Variants in PABPC4L observed in about 807,000 individuals in gnomAD.
The protein encoded by PABPC4L is polyadenylate-binding protein 4-like.
For missense variants in PABPC4L, 452 were observed against 451.4 expected (o/e 1.00, Z -0.01); for synonymous variants, 169 against 164.1 (o/e 1.03, Z -0.23).
At chr4:134,000,102 G>T in the PABPC4L span, among the ~76,000 whole-genome samples, 1 of 152,034 alleles carries the variant, frequency 6.6e-6, no homozygotes, top group African/African-American at 2.4e-5. Flanking sequence ...ATATTTTCAG[G>T]CAATCTGAAG....
the PABPC4L span, among the ~76,000 whole-genome samples, chr4:134,146,352 T>A: frequency 1.2e-4 from 2 of 16,844 alleles, no homozygotes; most frequent in African/African-American, 1.7e-3. Flanking sequence ...ATTTTTAATG[T>A]TTTTTTCTAT....
the PABPC4L span, among the ~76,000 whole-genome samples, chr4:134,163,077 CTT>C: frequency 6.6e-6 from 1 of 151,902 alleles, no homozygotes; most frequent in Non-Finnish European, 1.5e-5. Flanking sequence ...AAAGGTGGTT[CTT>C]ATAAATAATA....
chr4:134,090,919 A>G, the PABPC4L span, among the ~76,000 whole-genome samples: 1 of 152,034 alleles, frequency 6.6e-6, no homozygotes, highest in Admixed American at 6.6e-5. Context: ...CTGTTAGTCT[A>G]GTATAGAGGC....
the PABPC4L span, among the ~76,000 whole-genome samples, chr4:134,141,362 T>G: frequency 1.3e-5 from 2 of 151,034 alleles, no homozygotes; most frequent in Non-Finnish European, 3.0e-5. Context: ...AAGCACAAAC[T>G]TGGATAAAAA....
chr4:134,102,829 TAA>T, the PABPC4L span, among the ~76,000 whole-genome samples: 11 of 151,646 alleles, frequency 7.3e-5, no homozygotes, highest in African/African-American at 2.6e-4. Context: ...TATATATATT[TAA>T]GTCTAAATAT....
chr4:134,130,517 C>A, the PABPC4L span, among the ~76,000 whole-genome samples: 206 of 151,514 alleles, frequency 1.4e-3, no homozygotes, highest in Admixed American at 3.8e-3. Flanking sequence ...ATAACAAGTG[C>A]AAGATTGAAA....
chr4:134,199,779 T>A lies in PABPC4L; in HGVS notation c.*128A>T. ...ATGGCTTTGTATAAAAAACGTTTTA[T>A]CATAAAGTTTACTAAACTAAGCACC... is the stretch of plus-strand genomic sequence containing the variant. On this transcript the variant is annotated 3_prime_UTR_variant, in exon 2 of 2. Transcript: ENST00000421491. 8.0e-7 allele frequency: 1 copy of A among 1,242,884 alleles called. No homozygotes were observed. The highest frequency in any genetic ancestry group is 1.1e-6 in the Non-Finnish European group (1 of 926,150). The allele number at this position is 1,242,884 out of a possible 1,614,324, so 77.0% of individuals were successfully genotyped here.
the PABPC4L span, among the ~76,000 whole-genome samples, chr4:133,965,020 G>T: frequency 6.6e-6 from 1 of 152,244 alleles, no homozygotes; most frequent in Non-Finnish European, 1.5e-5. Flanking sequence ...TAAAGAGGAA[G>T]TCAAACTGTC....
the PABPC4L span, among the ~76,000 whole-genome samples, chr4:134,129,635 A>T: frequency 6.6e-6 from 1 of 152,104 alleles, no homozygotes; most frequent in East Asian, 1.9e-4. Context: ...TTTAAGTTTA[A>T]TTAAATTTAA....
At chr4:134,040,205 GAAAAAAAAAAA>G in the PABPC4L span, among the ~76,000 whole-genome samples, 1 of 113,432 alleles carries the variant, frequency 8.8e-6, no homozygotes, top group Admixed American at 9.0e-5. Flanking sequence ...CACAGAATTG[GAAAAAAAAAAA>G]AAAAAACTAC....
At chr4:134,054,235 CTACTT>C in the PABPC4L span, among the ~76,000 whole-genome samples, 1 of 113,722 alleles carries the variant, frequency 8.8e-6, no homozygotes, top group Non-Finnish European at 1.8e-5. Context: ...TTTAAAGAGA[CTACTT>C]TAGTTGTATA....
the PABPC4L span, among the ~76,000 whole-genome samples, chr4:134,150,226 G>C: frequency 6.6e-6 from 1 of 151,642 alleles, no homozygotes; most frequent in Non-Finnish European, 1.5e-5. Context: ...TGGGATTACA[G>C]GCGCCCACCA....
chr4:134,147,151 T>C, the PABPC4L span, among the ~76,000 whole-genome samples: 1 of 152,186 alleles, frequency 6.6e-6, no homozygotes, highest in Non-Finnish European at 1.5e-5. Context: ...GTTTATTTCA[T>C]TCATATTTGA....
At chr4:133,983,142 G>T in the PABPC4L span, among the ~76,000 whole-genome samples, 1 of 151,914 alleles carries the variant, frequency 6.6e-6, no homozygotes, top group Non-Finnish European at 1.5e-5. Flanking sequence ...TAGTTGTGTT[G>T]CTGAAGTAAA....
At position 134,197,314 on chromosome 4, in the gene PABPC4L, A is replaced by C. The variant is rs1729691889; in HGVS notation, c.*2593T>G. ...ATTTACTATAGGTTTTATATAAGAT[A>C]CTTTTTATGAACCAAAATTTTAGTT... On this transcript the variant is annotated 3_prime_UTR_variant, in exon 2 of 2. Transcript: ENST00000421491. 1 of 151,778 alleles carries C rather than the reference A, an allele frequency of 6.6e-6. No homozygotes were observed. The highest frequency in any genetic ancestry group is 2.4e-5 in the African/African-American group (1 of 41,454). 9.4% of individuals were successfully genotyped at this position (151,778 alleles called of 1,614,324 possible).
the PABPC4L span, among the ~76,000 whole-genome samples, chr4:133,969,903 C>A: frequency 0.13 from 19,913 of 151,882 alleles, 2,775 homozygotes; most frequent in East Asian, 0.49. Context: ...TAAAACAGTT[C>A]CTAAAATTGC....
chr4:134,146,351 G>GA, the PABPC4L span, among the ~76,000 whole-genome samples: 105,134 of 151,334 alleles, frequency 0.69, 37,839 homozygotes, highest in East Asian at 1. Context: ...GATTTTTAAT[G>GA]TTTTTTTCTA....
chr4:134,173,143 C>T, the PABPC4L span, among the ~76,000 whole-genome samples: 2 of 113,492 alleles, frequency 1.8e-5, no homozygotes, highest in South Asian at 2.9e-4. Context: ...CTATGGAGAA[C>T]ACTGTGGAGA....
the PABPC4L span, among the ~76,000 whole-genome samples, chr4:134,011,836 C>A: frequency 6.6e-6 from 1 of 152,068 alleles, no homozygotes; most frequent in Admixed American, 6.6e-5. Context: ...ATTGCTTAAG[C>A]AAATACTTAA....
Sources: gnomAD v4.1 joint callset for allele counts (sites outside exome capture counted in the v4.1 genomes callset) on GRCh38, gnomAD v4.1.1 for gene constraint, MANE v1.5 for transcripts, NCBI Gene and HGNC (gene_info 2026-07-23, HGNC 2026-07-21) for gene names.